SLC35F1: variants seen among roughly 807,000 people sequenced by gnomAD.
SLC35F1 encodes the protein solute carrier family 35 member F1.
A neutral mutation model predicts 48.7 loss-of-function variants in SLC35F1; 14 were observed. That is an observed-to-expected ratio of 0.29 (90% CI 0.19 to 0.45). The LOEUF is 0.45. SLC35F1 is among the 20% of genes least tolerant of loss of function. SLC35F1 has a pLI of 1.00. For missense variants in SLC35F1, 404 were observed against 500.0 expected (o/e 0.81, Z 1.83); for synonymous variants, 190 against 202.2 (o/e 0.94, Z 0.51).
In SLC35F1 at chr6:117,994,868, A is replaced by G. The variant is rs1434257580; in HGVS notation, c.173+86969A>G. On this transcript the variant is annotated intron_variant, in intron 1 of 7. Coordinates refer to ENST00000360388, the MANE Select transcript of SLC35F1 (RefSeq NM_001029858.4). ...TTCTGTGTCCAAAATTTACATGCCT[A>G]TTTTTTTCAATTTTCAAGCAAACCA... 2.6e-5 allele frequency among the ~76,000 whole-genome samples: 4 copies of G among 152,266 alleles called. No individual in the cohort carries two copies. The East Asian group carries it at 7.7e-4, about 29-fold the overall frequency.
At chr6:117,999,087 A>T (rs1777045616) in intron 1 of SLC35F1, 2 of 1,540,430 alleles carry the variant, frequency 1.3e-6, no homozygotes, top group South Asian at 2.2e-5. Context: ...GTGGACCCCA[A>T]GTTCCTGAGG....
At chr6:117,908,457 A>G (rs1775723620) in intron 1 of SLC35F1, among the ~76,000 whole-genome samples, 1 of 152,056 alleles carries the variant, frequency 6.6e-6, no homozygotes, top group Non-Finnish European at 1.5e-5. Context: ...CGCCTCTCGG[A>G]CTCTTCCTGG....
At chr6:118,294,245 G>T (rs1235907246) in intron 7 of SLC35F1, among the ~76,000 whole-genome samples, 1 of 152,074 alleles carries the variant, frequency 6.6e-6, no homozygotes, top group Non-Finnish European at 1.5e-5. Flanking sequence ...GCAAGCCTGG[G>T]GTCTCATGCA....
intron 1 of SLC35F1, among the ~76,000 whole-genome samples, chr6:117,949,818 G>A (rs1208805826): frequency 6.6e-6 from 1 of 152,100 alleles, no homozygotes; most frequent in Non-Finnish European, 1.5e-5. Context: ...GAGCCACAGA[G>A]GATTTACGTT....
intron 1 of SLC35F1, among the ~76,000 whole-genome samples, chr6:118,035,909 G>T (rs1772124800): frequency 1.3e-5 from 2 of 151,764 alleles, no homozygotes; most frequent in Non-Finnish European, 2.9e-5. Flanking sequence ...AGCCAGGATG[G>T]TCTTGATCTC....
intron 2 of SLC35F1, among the ~76,000 whole-genome samples, chr6:118,213,184 A>C (rs547309384): frequency 6.6e-6 from 1 of 152,314 alleles, no homozygotes; most frequent in African/African-American, 2.4e-5. Flanking sequence ...ATTATAACCC[A>C]CTATATTAAT....
At chr6:118,112,316 T>C (rs1317595973) in intron 1 of SLC35F1, among the ~76,000 whole-genome samples, 1 of 152,080 alleles carries the variant, frequency 6.6e-6, no homozygotes, top group African/African-American at 2.4e-5. Context: ...ATATTGATTC[T>C]TGCAAAGTAT....
At chr6:117,936,167 T>C (rs1326503671) in intron 1 of SLC35F1, among the ~76,000 whole-genome samples, 2 of 152,094 alleles carry the variant, frequency 1.3e-5, no homozygotes, top group East Asian at 1.9e-4. Context: ...TGTTGGAGGG[T>C]GAGAGTTGGG....
intron 3 of SLC35F1, among the ~76,000 whole-genome samples, chr6:118,260,862 A>G (rs1775703449): frequency 6.6e-6 from 1 of 152,184 alleles, no homozygotes; most frequent in Non-Finnish European, 1.5e-5. Flanking sequence ...TTATCCCTGT[A>G]ATATTAGTTG....
At chr6:118,017,427 G>C (rs1385251475) in intron 1 of SLC35F1, among the ~76,000 whole-genome samples, 2 of 152,324 alleles carry the variant, frequency 1.3e-5, no homozygotes, top group South Asian at 2.1e-4. Flanking sequence ...AGTATTGGCT[G>C]TTAGCAGCTA....
At chr6:118,120,821 A>G (rs2484144) in intron 1 of SLC35F1, among the ~76,000 whole-genome samples, 5,065 of 152,202 alleles carry the variant, frequency 0.033, 211 homozygotes, top group African/African-American at 0.088. Context: ...ATAATTTAAT[A>G]ATGAAAAGAA....
At chr6:118,153,116 C>G (rs1024335931) in intron 1 of SLC35F1, among the ~76,000 whole-genome samples, 2 of 152,072 alleles carry the variant, frequency 1.3e-5, no homozygotes, top group African/African-American at 4.8e-5. Context: ...AAAATACAAC[C>G]AAAGTACTGC....
intron 1 of SLC35F1, among the ~76,000 whole-genome samples, chr6:117,989,328 A>G (rs1776888152): frequency 1.3e-5 from 2 of 152,192 alleles, no homozygotes; most frequent in African/African-American, 4.8e-5. Flanking sequence ...CTGTCAAAGC[A>G]TGCACTGTGC....
At chr6:118,019,514 G>A (rs1182057240) in intron 1 of SLC35F1, among the ~76,000 whole-genome samples, 17 of 152,058 alleles carry the variant, frequency 1.1e-4, no homozygotes, top group Non-Finnish European at 1.5e-5. Context: ...CGCAGCTACT[G>A]GGAAGGCTGA....
chr6:117,956,600 G>A (rs1285090931), intron 1 of SLC35F1, among the ~76,000 whole-genome samples: 1 of 152,180 alleles, frequency 6.6e-6, no homozygotes. Context: ...AGTGCATCCA[G>A]GCCTTATTAA....
At chr6:118,212,638 T>C (rs1775013813) in intron 2 of SLC35F1, among the ~76,000 whole-genome samples, 1 of 149,280 alleles carries the variant, frequency 6.7e-6, no homozygotes, top group South Asian at 2.1e-4. Flanking sequence ...TGCAGTGAGG[T>C]GACATCGCTC....
At chr6:118,108,110 C>G (rs1773350203) in intron 1 of SLC35F1, among the ~76,000 whole-genome samples, 1 of 152,074 alleles carries the variant, frequency 6.6e-6, no homozygotes, top group Non-Finnish European at 1.5e-5. Flanking sequence ...TAGTCTATGT[C>G]TACTGTACGT....
intron 2 of SLC35F1, among the ~76,000 whole-genome samples, chr6:118,233,088 C>T (rs1397451043): frequency 6.6e-6 from 1 of 152,126 alleles, no homozygotes; most frequent in Non-Finnish European, 1.5e-5. Context: ...GCCTCAACCT[C>T]CTGAGTAGCT....
chr6:118,274,084 G>A (rs1028530993), intron 4 of SLC35F1, among the ~76,000 whole-genome samples: 1 of 152,118 alleles, frequency 6.6e-6, no homozygotes, highest in Non-Finnish European at 1.5e-5. Flanking sequence ...CAGGCTCATC[G>A]GGGAATCCAG....
Sources: allele counts gnomAD v4.1 joint callset (sites outside exome capture counted in the v4.1 genomes callset), GRCh38; gene constraint gnomAD v4.1.1; transcripts MANE v1.5; gene names NCBI Gene and HGNC (gene_info 2026-07-23, HGNC 2026-07-21).